PDZRN3: variants seen among roughly 807,000 people sequenced by gnomAD.
PDZRN3 encodes the protein E3 ubiquitin-protein ligase PDZRN3.
PDZRN3 carries 38 observed loss-of-function variants against 85.7 expected under a neutral mutation model. The ratio of observed to expected loss-of-function variants is 0.44; its 90% confidence interval spans 0.34 to 0.58. The LOEUF (loss-of-function observed/expected upper bound fraction) is 0.58, where lower values mean the gene tolerates loss of function less well. Ranked by LOEUF, PDZRN3 falls within the 20% of genes least tolerant of loss-of-function variation. The pLI is 0.01. For synonymous variants in PDZRN3, 759 were observed against 638.0 expected, an observed-to-expected ratio of 1.19 and a Z score of -2.86; for missense variants, 1,629 against 1,506.4, an observed-to-expected ratio of 1.08 and a Z score of -1.35.
chr3:73,441,395 T>C (rs77280751), intron 3 of PDZRN3, among the ~76,000 whole-genome samples: 10,770 of 118,202 alleles, frequency 0.091, 500 homozygotes, highest in Middle Eastern at 0.27. Context: ...TCTGGTGACA[T>C]AGTGAGACTC....
chr3:73,468,095 G>A (rs1449370007), intron 3 of PDZRN3, among the ~76,000 whole-genome samples: 2 of 152,050 alleles, frequency 1.3e-5, no homozygotes, highest in Non-Finnish European at 2.9e-5. Flanking sequence ...CAAATTTTAT[G>A]TTATGTATAT....
chr3:73,608,502 G>A (rs988068983), intron 2 of PDZRN3, 96 bp downstream of exon 2: 17 of 792,510 alleles, frequency 2.1e-5, no homozygotes, highest in Non-Finnish European at 2.8e-5. Context: ...AATGAAGTGA[G>A]CAAAGTTTCC....
rs983003127 is a variant in PDZRN3 at position 73,433,960 on chromosome 3, G to A, written c.919-29565C>T. 8 of 1,327,578 alleles carry A rather than the reference G, an allele frequency of 6.0e-6. No homozygotes were observed. The African/African-American group carries it at 7.3e-5, about 12-fold the overall frequency. 82.2% of individuals were successfully genotyped at this position (1,327,578 alleles called of 1,614,324 possible). A position where few individuals can be genotyped will look rare whatever the true frequency, so the allele number is the denominator to read the frequency against. On this transcript the variant is annotated intron_variant, in intron 3 of 9. Coordinates refer to ENST00000263666, the MANE Select transcript of PDZRN3 (RefSeq NM_015009.3). ...CACACACATACACACAGACATACAC[G>A]CACACCACTCCCTCCTCTGAGTGAC...
intron 3 of PDZRN3, among the ~76,000 whole-genome samples, chr3:73,406,601 G>C (rs1292197146): frequency 6.6e-6 from 1 of 152,170 alleles, no homozygotes; most frequent in Non-Finnish European, 1.5e-5. Flanking sequence ...CCCTGGGAAT[G>C]GCTTGCACCA....
intron 3 of PDZRN3, among the ~76,000 whole-genome samples, chr3:73,472,231 C>T (rs965136878): frequency 1.3e-5 from 2 of 152,162 alleles, no homozygotes; most frequent in Admixed American, 6.5e-5. Context: ...TATAGGTGTC[C>T]TTTCCTTCAA....
At chr3:73,507,961 C>T (rs920517824) in intron 3 of PDZRN3, among the ~76,000 whole-genome samples, 26 of 152,150 alleles carry the variant, frequency 1.7e-4, no homozygotes, top group African/African-American at 6.3e-4. Context: ...GGCATGGTGG[C>T]ACGTGCCTGT....
intron 3 of PDZRN3, among the ~76,000 whole-genome samples, chr3:73,456,354 C>A (rs1321103647): frequency 6.6e-6 from 1 of 152,164 alleles, no homozygotes; most frequent in South Asian, 2.1e-4. Flanking sequence ...TTCATTTTAG[C>A]CTTGCTCATC....
rs1467770534 is a variant in PDZRN3 at position 73,383,188 on chromosome 3, C to T, written c.*177G>A. 9 of 548,058 alleles carry T rather than the reference C, an allele frequency of 1.6e-5. No individual in the cohort carries two copies. The highest frequency in any genetic ancestry group is 2.9e-5 in the East Asian group (1 of 33,950). 33.9% of individuals were successfully genotyped at this position (548,058 alleles called of 1,614,324 possible). On this transcript the variant is annotated 3_prime_UTR_variant, in exon 10 of 10. Coordinates refer to ENST00000263666, the MANE Select transcript of PDZRN3 (RefSeq NM_015009.3). ...CTTCCAAGATAGTAAGGGTGTTTTTCTCTCTCTTCCCTTAAAATAGACCTA... is the reference window on the plus strand; with the variant it reads ...CTTCCAAGATAGTAAGGGTGTTTTTTTCTCTCTTCCCTTAAAATAGACCTA...
Position 73,383,009 on chromosome 3 carries a change from GTTTAAC to G in PDZRN3, c.*350_*355del, listed in dbSNP as rs1423811391. On this transcript the variant is annotated 3_prime_UTR_variant, in exon 10 of 10. Coordinates refer to ENST00000263666, the MANE Select transcript of PDZRN3 (RefSeq NM_015009.3). ...GTGTTTTAGGCAGGAAAAAAAGCGT[GTTTAAC>G]TTTTTTATATGAATATAGTTTAAAC... is the stretch of plus-strand genomic sequence containing the variant. The G allele has an allele frequency of 5.5e-6, 1 of 180,642 alleles. No homozygotes were observed. The highest frequency in any genetic ancestry group is 1.2e-5 in the Non-Finnish European group (1 of 86,032). The allele number at this position is 180,642 out of a possible 1,614,324, so 11.2% of individuals were successfully genotyped here. A position where few individuals can be genotyped will look rare whatever the true frequency, so the allele number is the denominator to read the frequency against.
Position 73,598,347 on chromosome 3 carries a change from G to A in PDZRN3, c.918+4007C>T, listed in dbSNP as rs564215555. On this transcript the variant is annotated intron_variant, in intron 3 of 9. Transcript: ENST00000263666. Reference sequence around the variant, plus strand: ...AAGGCACTGAGATATTTACAGTTTCGAATGAATATTAAAGACATCAGGGAG... The same window carrying A: ...AAGGCACTGAGATATTTACAGTTTCAAATGAATATTAAAGACATCAGGGAG... Among the ~76,000 whole-genome samples the A allele has an allele frequency of 1.5e-4, 23 of 152,258 alleles. No homozygotes were observed. In the East Asian group the frequency reaches 2.9e-3, roughly 19 times the overall value.
intron 3 of PDZRN3, chr3:73,593,928 T>G (rs1225682834): frequency 6.6e-6 from 1 of 152,218 alleles, no homozygotes; most frequent in African/African-American, 2.4e-5. Flanking sequence ...CATGTTTTAT[T>G]TTTTTGTTTC....
intron 1 of PDZRN3, among the ~76,000 whole-genome samples, chr3:73,617,600 G>C (rs78310351): frequency 0.12 from 17,592 of 152,234 alleles, 1,126 homozygotes; most frequent in East Asian, 0.18. Flanking sequence ...ACATTTGGAA[G>C]AACTTCACTT....
At chr3:73,537,276 T>C (rs1704810101) in intron 3 of PDZRN3, among the ~76,000 whole-genome samples, 1 of 152,212 alleles carries the variant, frequency 6.6e-6, no homozygotes, top group Non-Finnish European at 1.5e-5. Flanking sequence ...GAGAAGACTG[T>C]GTTCCTAAAT....
At chr3:73,539,467 T>C (rs1206253935) in intron 3 of PDZRN3, among the ~76,000 whole-genome samples, 5 of 152,142 alleles carry the variant, frequency 3.3e-5, no homozygotes, top group East Asian at 1.9e-4. Context: ...GTTGCACTAA[T>C]AGAACACAGA....
intron 3 of PDZRN3, among the ~76,000 whole-genome samples, chr3:73,563,970 T>C (rs1272946416): frequency 2.0e-5 from 3 of 152,192 alleles, no homozygotes; most frequent in Admixed American, 6.5e-5. Context: ...ATTATTACCA[T>C]GAACATGCAA....
In PDZRN3 at chr3:73,464,673, T is replaced by A. The variant is rs573877853; in HGVS notation, c.919-60278A>T. 2.0e-5 allele frequency among the ~76,000 whole-genome samples: 3 copies of A among 152,100 alleles called. No homozygotes were observed. In the South Asian group the frequency reaches 6.2e-4, roughly 32 times the overall value. ...TAAAGGGCATCCTTAAATTTTCCTA[T>A]ATTTCAAAAGAAAAAAAGGTGTCTC... On this transcript the variant is annotated intron_variant, in intron 3 of 9. Transcript: ENST00000263666.
chr3:73,503,920 T>A (rs1004031787), intron 3 of PDZRN3, among the ~76,000 whole-genome samples: 1 of 152,194 alleles, frequency 6.6e-6, no homozygotes, highest in East Asian at 1.9e-4. Context: ...TGTTTTTGTA[T>A]CATGCAGTCG....
chr3:73,471,674 T>C (rs1009096567), intron 3 of PDZRN3, among the ~76,000 whole-genome samples: 1 of 152,212 alleles, frequency 6.6e-6, no homozygotes, highest in East Asian at 1.9e-4. Flanking sequence ...TGGGACTCCC[T>C]TGCTGTCTGT....
intron 3 of PDZRN3, among the ~76,000 whole-genome samples, chr3:73,437,210 C>A (rs1702548145): frequency 6.6e-6 from 1 of 151,954 alleles, no homozygotes; most frequent in African/African-American, 2.4e-5. Flanking sequence ...ATATAAATAA[C>A]ATTTTTATGA....
Sources: gnomAD v4.1 joint callset for allele counts (sites outside exome capture counted in the v4.1 genomes callset) on GRCh38, gnomAD v4.1.1 for gene constraint, MANE v1.5 for transcripts, NCBI Gene and HGNC (gene_info 2026-07-23, HGNC 2026-07-21) for gene names.